The following EFCAB8 variants were observed in gnomAD, a reference collection of about 807,000 sequenced individuals.
EFCAB8 encodes the protein EF-hand calcium binding domain 8, also known as EF-hand calcium-binding domain-containing protein 8.
Under a neutral mutation model 116.3 loss-of-function variants are expected in EFCAB8, and 100 were observed. That is an observed-to-expected ratio of 0.86 (90% CI 0.73 to 1.02). The LOEUF is 1.02. Among genes scored for constraint, EFCAB8 ranks in the 50% least tolerant of loss-of-function variants. The probability of loss-of-function intolerance (pLI) is 0.00; values close to 1 mark genes in which losing one functional copy is unlikely to be tolerated. For synonymous variants in EFCAB8, 558 were observed against 567.9 expected, an observed-to-expected ratio of 0.98 and a Z score of 0.25; for missense variants, 1,320 against 1,416.9, an observed-to-expected ratio of 0.93 and a Z score of 1.10.
chr20:32,948,581 AAAAG>A (rs1459507205), intron 23 of EFCAB8, among the ~76,000 whole-genome samples: 68 of 142,750 alleles, frequency 4.8e-4, no homozygotes, highest in East Asian at 6.3e-4. Context: ...AGAAAGAAAG[AAAAG>A]AAAGGAAAAG....
At chr20:32,939,242 G>C (rs35499815) in intron 22 of EFCAB8, among the ~76,000 whole-genome samples, 27,501 of 74,426 alleles carry the variant, frequency 0.37, 6,105 homozygotes, top group African/African-American at 0.53. Context: ...CTCCCTCCCT[G>C]CCTTCCTTCC....
rs947581165 is a variant in EFCAB8, at chr20:32,858,949, T to A, written c.-68T>A. On this transcript the variant is annotated 5_prime_UTR_variant, in exon 1 of 27. It introduces an in-frame stop codon into an upstream open reading frame of the 5' UTR. Coordinates refer to ENST00000400522, the MANE Select transcript of EFCAB8 (RefSeq NM_001143967.2). ...TTGTTGAGATGGGAGTTGGAAAGTG[T>A]TAGCACTTTGCCAGACTTTGCCAGC... 2 of 470,888 alleles carry A rather than the reference T, an allele frequency of 4.2e-6. No individual in the cohort carries two copies. Among genetic ancestry groups the A allele is most frequent in the African/African-American group, 2.0e-5 (1 of 50,056 alleles). 29.2% of individuals were successfully genotyped at this position (470,888 alleles called of 1,614,324 possible).
chr20:32,958,003 G>A (rs1471121864), intron 23 of EFCAB8, among the ~76,000 whole-genome samples: 1 of 151,962 alleles, frequency 6.6e-6, no homozygotes, highest in Non-Finnish European at 1.5e-5. Context: ...ACTTAATTCT[G>A]TTTTCAGTAC....
Position 32,943,662 on chromosome 20 carries a change from G to C in EFCAB8, c.2817G>C (p.Leu939=), listed in dbSNP as rs1281017781. ...KEVVAGHTIS[L]VPPTLLMTWK... ...TTGTGGCTGGCCATACCATTTCCCT[G>C]GTTCCCCCCACGCTCCTGATGACCT... Residue 939 remains leucine, a synonymous_variant, in exon 23 of 27, where the codon CTG becomes CTC. Coordinates refer to ENST00000400522, the MANE Select transcript of EFCAB8 (RefSeq NM_001143967.2). The C allele has an allele frequency of 2.4e-6, 1 of 416,984 alleles. No homozygotes were observed. The highest frequency in any genetic ancestry group is 4.4e-6 in the Non-Finnish European group (1 of 226,656). The allele number at this position is 416,984 out of a possible 1,614,324, so 25.8% of individuals were successfully genotyped here.
At chr20:32,898,679 TGA>T in intron 11 of EFCAB8, 56 bp downstream of exon 11, 1 of 704,460 alleles carries the variant, frequency 1.4e-6, no homozygotes, top group Non-Finnish European at 2.7e-6. Flanking sequence ...AGGGGGGTGG[TGA>T]GTGGACCATG....
chr20:32,888,119 A>AG (rs1985727437), intron 6 of EFCAB8, among the ~76,000 whole-genome samples: 1 of 150,706 alleles, frequency 6.6e-6, no homozygotes, highest in Non-Finnish European at 1.5e-5. Context: ...GCTGGAGTGG[A>AG]GTGGTGCAAT....
intron 22 of EFCAB8, among the ~76,000 whole-genome samples, chr20:32,932,018 AGAGGTTGGCAG>A (rs1464675641): frequency 6.6e-5 from 10 of 152,160 alleles, no homozygotes; most frequent in African/African-American, 2.4e-4. Context: ...GGACTTCTGG[AGAGGTTGGCAG>A]TGCTCTGCTT....
intron 2 of EFCAB8, among the ~76,000 whole-genome samples, chr20:32,865,244 C>T (rs925727908): frequency 6.6e-6 from 1 of 151,994 alleles, no homozygotes; most frequent in Non-Finnish European, 1.5e-5. Flanking sequence ...GGGGGAGGTT[C>T]CATTTGAGCG....
chr20:32,926,033 G>A (rs1318940149), intron 20 of EFCAB8, among the ~76,000 whole-genome samples: 2 of 152,214 alleles, frequency 1.3e-5, no homozygotes, highest in Non-Finnish European at 2.9e-5. Flanking sequence ...TGTGAGCACC[G>A]GATGCTGGCT....
chr20:32,939,187 CTTTCTTTCTTTCTTTCCTCT>C (rs1347224940), intron 22 of EFCAB8, among the ~76,000 whole-genome samples: 691 of 67,360 alleles, frequency 0.01, 7 homozygotes, highest in East Asian at 0.013. Flanking sequence ...TTCTTTCTTT[CTTTCTTTCTTTCTTTCCTCT>C]CTCTCTCTCT....
At chr20:32,914,586 C>T (rs1322470886) in intron 17 of EFCAB8, among the ~76,000 whole-genome samples, 5 of 152,184 alleles carry the variant, frequency 3.3e-5, no homozygotes, top group African/African-American at 1.2e-4. Context: ...AGGAAACTTA[C>T]AATCATAGTT....
At chr20:32,946,072 G>A (rs1988587221) in intron 23 of EFCAB8, among the ~76,000 whole-genome samples, 1 of 152,230 alleles carries the variant, frequency 6.6e-6, no homozygotes, top group Admixed American at 6.5e-5. Flanking sequence ...TCAAGGAGAA[G>A]CTGGAAGTTG....
intron 19 of EFCAB8, 61 bp downstream of exon 19, chr20:32,918,635 C>A: frequency 6.8e-7 from 1 of 1,471,674 alleles, no homozygotes; most frequent in Non-Finnish European, 9.3e-7. Context: ...CGTTCACACA[C>A]CGTCTGTGTG....
chr20:32,893,511 G>A (rs573158562), intron 9 of EFCAB8, among the ~76,000 whole-genome samples: 2 of 152,310 alleles, frequency 1.3e-5, no homozygotes, highest in Admixed American at 6.5e-5. Flanking sequence ...CTGGGGAGAG[G>A]GGTGGCCTCT....
At chr20:32,922,070 C>A (rs1398624958) in intron 20 of EFCAB8, among the ~76,000 whole-genome samples, 2 of 152,100 alleles carry the variant, frequency 1.3e-5, no homozygotes, top group African/African-American at 2.4e-5. Flanking sequence ...CTCAGGTGAT[C>A]CACTGGCCTC....
chr20:32,861,738 A>T (rs1305868844), intron 1 of EFCAB8, among the ~76,000 whole-genome samples: 1 of 152,186 alleles, frequency 6.6e-6, no homozygotes, highest in East Asian at 1.9e-4. Context: ...ATCTCAAAAG[A>T]TCGCCATGAA....
In EFCAB8 at chr20:32,917,518, G is replaced by A. The variant is rs750186365; in HGVS notation, c.2061+13G>A. On this transcript the variant is annotated intron_variant, in intron 18 of 26. Coordinates refer to ENST00000400522, the MANE Select transcript of EFCAB8 (RefSeq NM_001143967.2). Reference sequence around the variant, plus strand: ...GCAGCCCAAGAGGGTATGTTAACAGGAGCACACTCTCCTCCCACCCTTCTC... The same window carrying A: ...GCAGCCCAAGAGGGTATGTTAACAGAAGCACACTCTCCTCCCACCCTTCTC... 6 of 1,423,572 alleles carry A rather than the reference G, an allele frequency of 4.2e-6. No homozygotes were observed. The highest frequency in any genetic ancestry group is 5.6e-6 in the Non-Finnish European group (6 of 1,068,894). The allele number at this position is 1,423,572 out of a possible 1,614,324, so 88.2% of individuals were successfully genotyped here.
intron 5 of EFCAB8, among the ~76,000 whole-genome samples, chr20:32,883,366 G>A (rs1040929587): frequency 6.6e-6 from 1 of 152,154 alleles, no homozygotes; most frequent in South Asian, 2.1e-4. Flanking sequence ...GGCTTTTGTC[G>A]TAAGCCCCAG....
intron 22 of EFCAB8, among the ~76,000 whole-genome samples, chr20:32,934,148 C>G (rs1160329708): frequency 6.6e-6 from 1 of 151,868 alleles, no homozygotes; most frequent in Non-Finnish European, 1.5e-5. Flanking sequence ...CCAGCCCTTT[C>G]TACTTCTATG....
Sources: gnomAD v4.1 joint callset for allele counts (sites outside exome capture counted in the v4.1 genomes callset) on GRCh38, gnomAD v4.1.1 for gene constraint, MANE v1.5 for transcripts, NCBI Gene and HGNC (gene_info 2026-07-23, HGNC 2026-07-21) for gene names.